The following TMEM269 variants were observed in gnomAD, a reference collection of about 807,000 sequenced individuals.
The protein encoded by TMEM269 is transmembrane protein 269.
Under a neutral mutation model 15.8 loss-of-function variants are expected in TMEM269, and 12 were observed. The observed-to-expected ratio is 0.76, with a 90% CI of 0.49 to 1.23. The LOEUF (loss-of-function observed/expected upper bound fraction) is 1.23, where lower values mean the gene tolerates loss of function less well. Among genes scored for constraint, TMEM269 ranks in the 50% most tolerant of loss-of-function variants. The pLI is 0.00. For synonymous variants in TMEM269, 93 were observed against 99.3 expected (o/e 0.94, Z 0.38); for missense variants, 211 against 245.4 (o/e 0.86, Z 0.94).
rs1653833649 is a variant in TMEM269, at chr1:42,798,732, G to GATTTT, written c.*507_*508insATTTT. On this transcript the variant is annotated 3_prime_UTR_variant, in exon 6 of 6. Transcript: ENST00000637012. ...GGATTTTGTAACTTCAACATTCTGG[G>GATTTT]TTTTTTTTTTTTTTTTTTTTTTTTT... 3.6e-5 allele frequency: 3 copies of GATTTT among 82,294 alleles called. No individual in the cohort carries two copies. The Admixed American group carries it at 4.9e-4, about 13-fold the overall frequency. The allele number at this position is 82,294 out of a possible 1,614,324, so 5.1% of individuals were successfully genotyped here.
In TMEM269 at chr1:42,788,922, C is replaced by CTT. The variant is rs540411407; in HGVS notation, c.-98-857_-98-856dup. Among the ~76,000 whole-genome samples, 32 of 136,862 alleles carry CTT rather than the reference C, an allele frequency of 2.3e-4. No homozygotes were observed. The highest frequency in any genetic ancestry group is 2.2e-4 in the Admixed American group (3 of 13,546). 89.8% of individuals were successfully genotyped at this position (136,862 alleles called of 152,430 possible). ...TTTGTGAACTATTCAGTGTTGTACA[C>CTT]TTTTTTTTTTTTTTTTTTAGACAGA... On this transcript the variant is annotated intron_variant, in intron 1 of 5. Coordinates refer to ENST00000637012, the MANE Select transcript of TMEM269 (RefSeq NM_001354602.2). The surrounding 1 kb of genome is among the most constrained non-coding windows in gnomAD (Gnocchi z 4.0).
In TMEM269 at chr1:42,799,264, C is replaced by A. The variant is rs576694324; in HGVS notation, c.*1039C>A. 1.3e-5 allele frequency: 2 copies of A among 151,978 alleles called. No individual in the cohort carries two copies. The highest frequency in any genetic ancestry group is 3.9e-4 in the East Asian group (2 of 5,166). 9.4% of individuals were successfully genotyped at this position (151,978 alleles called of 1,614,324 possible). Reference sequence around the variant, plus strand: ...ACTGTATGGCAAAGGTGTACCTCACCGAGAACTCAGGTCCACTGAGCCCCC... The same window carrying A: ...ACTGTATGGCAAAGGTGTACCTCACAGAGAACTCAGGTCCACTGAGCCCCC... On this transcript the variant is annotated 3_prime_UTR_variant, in exon 6 of 6. Transcript: ENST00000637012.
At chr1:42,792,772 T>A in intron 2 of TMEM269, 33 bp from the exon 3 acceptor site, 2 of 1,436,558 alleles carry the variant, frequency 1.4e-6, no homozygotes. Flanking sequence ...GCGAAAGTGC[T>A]TCCCTGTTTG....
At chr1:42,794,656 C>CAA in intron 5 of TMEM269, 43 bp downstream of exon 5, 2 of 1,354,648 alleles carry the variant, frequency 1.5e-6, no homozygotes, top group Non-Finnish European at 2.1e-6. Flanking sequence ...ATCACAGTTG[C>CAA]TTATTGCCAC....
At chr1:42,792,580 G>A (rs1028781692) in intron 2 of TMEM269, among the ~76,000 whole-genome samples, 1 of 152,106 alleles carries the variant, frequency 6.6e-6, no homozygotes, top group Admixed American at 6.6e-5. Flanking sequence ...GATTGAGTTT[G>A]TGAGGGATGT....
At chr1:42,793,978 T>C (rs1653748680) in intron 4 of TMEM269, among the ~76,000 whole-genome samples, 1 of 152,210 alleles carries the variant, frequency 6.6e-6, no homozygotes, top group Non-Finnish European at 1.5e-5. Context: ...TCTTTCTCAA[T>C]GCGTGACCTG....
In TMEM269 at chr1:42,797,675, T is replaced by C. The variant is rs987706124; in HGVS notation, c.485-423T>C. Among the ~76,000 whole-genome samples, 2 of 152,356 alleles carry C rather than the reference T, an allele frequency of 1.3e-5. No homozygotes were observed. The highest frequency in any genetic ancestry group is 4.8e-5 in the African/African-American group (2 of 41,584). On this transcript the variant is annotated intron_variant, in intron 5 of 5. Transcript: ENST00000637012. This position sits in a 1 kb window ranked among gnomAD's most constrained non-coding sequence, Gnocchi z 4.9. Reference sequence around the variant, plus strand: ...CCTTGCAAGAAGGCCTTTCTGAGGATAGCAGTCTCAGGCCTGCACGTAAAC... The same window carrying C: ...CCTTGCAAGAAGGCCTTTCTGAGGACAGCAGTCTCAGGCCTGCACGTAAAC...
At chr1:42,790,795 T>C (rs1454009496) in intron 2 of TMEM269, among the ~76,000 whole-genome samples, 2 of 152,100 alleles carry the variant, frequency 1.3e-5, no homozygotes, top group Non-Finnish European at 2.9e-5. Context: ...GATGGTGCCC[T>C]GAGTATTTTT....
chr1:42,785,999 G>A (rs896564643), intron 1 of TMEM269, among the ~76,000 whole-genome samples: 1 of 152,166 alleles, frequency 6.6e-6, no homozygotes, highest in African/African-American at 2.4e-5. Flanking sequence ...CACACACAAG[G>A]CCCGGCACAG....
At position 42,800,687 on chromosome 1, in the gene TMEM269, T is replaced by C. The variant is rs997583363; in HGVS notation, c.*2462T>C. On this transcript the variant is annotated 3_prime_UTR_variant, in exon 6 of 6. Transcript: ENST00000637012. ...TAAGCCTATTTTCCTATCTGTAAAA[T>C]GGAGGATTTACTTCCTTTCAGGGTT... The C allele has an allele frequency of 2.6e-5, 4 of 152,210 alleles. No homozygotes were observed. Among genetic ancestry groups the C allele is most frequent in the Non-Finnish European group, 4.4e-5 (3 of 68,028 alleles). The allele number at this position is 152,210 out of a possible 1,614,324, so 9.4% of individuals were successfully genotyped here.
chr1:42,796,234 T>C (rs1221245931), intron 5 of TMEM269, among the ~76,000 whole-genome samples: 3 of 152,204 alleles, frequency 2.0e-5, no homozygotes, highest in Non-Finnish European at 2.9e-5. Flanking sequence ...TAGTATTGCT[T>C]AGTGTTCTTC....
At chr1:42,787,601 C>T (rs1653566841) in intron 1 of TMEM269, among the ~76,000 whole-genome samples, 1 of 97,454 alleles carries the variant, frequency 1.0e-5, no homozygotes, top group Non-Finnish European at 1.9e-5. Flanking sequence ...AGCGAGACTC[C>T]GTCTCAAAAA....
At chr1:42,790,119 A>G (rs1399480932) in intron 2 of TMEM269, among the ~76,000 whole-genome samples, 185 bp downstream of exon 2, 1 of 152,162 alleles carries the variant, frequency 6.6e-6, no homozygotes, top group Non-Finnish European at 1.5e-5. Flanking sequence ...CATTCCAGCT[A>G]TGGCAGTCTA....
chr1:42,797,050 C>T lies in TMEM269; in HGVS notation c.485-1048C>T, dbSNP rs991583780. ...GAAAAACAGACTTAGTTCTAAACCA[C>T]GGGATTATTGTGAAGTGTAAATGAA... On this transcript the variant is annotated intron_variant, in intron 5 of 5. Transcript: ENST00000637012. This position sits in a 1 kb window ranked among gnomAD's most constrained non-coding sequence, Gnocchi z 4.9. Among the ~76,000 whole-genome samples, 5 of 151,860 alleles carry T rather than the reference C, an allele frequency of 3.3e-5. No individual in the cohort carries two copies. The highest frequency in any genetic ancestry group is 6.6e-5 in the Admixed American group (1 of 15,240).
intron 1 of TMEM269, among the ~76,000 whole-genome samples, chr1:42,785,450 G>A (rs1482496904): frequency 1.3e-5 from 2 of 152,006 alleles, no homozygotes; most frequent in African/African-American, 2.4e-5. Context: ...TTCAACTCTC[G>A]TCTCCTCTGC....
chr1:42,792,830 C>T lies in TMEM269; in HGVS notation c.67C>T (p.Leu23Phe), dbSNP rs1653721649. The T allele has an allele frequency of 6.4e-7, 1 of 1,550,642 alleles. No individual in the cohort carries two copies. Among genetic ancestry groups the T allele is most frequent in the Non-Finnish European group, 8.7e-7 (1 of 1,147,018 alleles). Residue 23 changes from leucine (L) to phenylalanine (F), a missense_variant, in exon 3 of 6, where the codon CTC (leucine) becomes TTC (phenylalanine). Physicochemically the swap from Leu to Phe is conservative, Grantham distance 22. Coordinates refer to ENST00000637012, the MANE Select transcript of TMEM269 (RefSeq NM_001354602.2). ...SRKCHYASRM[L>F]LVSFLLDMAV... ...GAAATGCCACTATGCCTCCCGGATGCTCCTGGTCAGCTTCCTGTTAGACAT... is the reference window on the plus strand; with the variant it reads ...GAAATGCCACTATGCCTCCCGGATGTTCCTGGTCAGCTTCCTGTTAGACAT...
At chr1:42,789,226 C>G (rs1314676065) in intron 1 of TMEM269, 1 of 576,174 alleles carries the variant, frequency 1.7e-6, no homozygotes, top group African/African-American at 1.9e-5. Context: ...TCCGGCTACA[C>G]ATTCAGTTTT....
At position 42,794,396 on chromosome 1, in the gene TMEM269, A is replaced by G; in HGVS notation, c.284-17A>G. 2 of 1,543,892 alleles carry G rather than the reference A, an allele frequency of 1.3e-6. No individual in the cohort carries two copies. Among genetic ancestry groups the G allele is most frequent in the South Asian group, 2.4e-5 (2 of 83,920 alleles). On this transcript the variant is annotated splice_polypyrimidine_tract_variant and intron_variant, in intron 4 of 5. Coordinates refer to ENST00000637012, the MANE Select transcript of TMEM269 (RefSeq NM_001354602.2). Reference sequence around the variant, plus strand: ...GAGCAGAGGGAAGCAGCTAATCTCCAGCGTTCTTCCTGGCAGGAGTCCCCT... The same window carrying G: ...GAGCAGAGGGAAGCAGCTAATCTCCGGCGTTCTTCCTGGCAGGAGTCCCCT...
intron 1 of TMEM269, chr1:42,789,363 C>G: frequency 7.3e-7 from 1 of 1,373,514 alleles, no homozygotes; most frequent in East Asian, 2.5e-5. Flanking sequence ...GACTGTGGGA[C>G]AACAGGGCTT....
Sources: gnomAD v4.1 joint callset for allele counts (sites outside exome capture counted in the v4.1 genomes callset) on GRCh38, gnomAD v4.1.1 for gene constraint, Gnocchi (gnomAD v3.1) non-coding constraint, MANE v1.5 for transcripts, NCBI Gene and HGNC (gene_info 2026-07-23, HGNC 2026-07-21) for gene names.